Variants in WDR44 observed in about 807,000 individuals in gnomAD.
The protein encoded by WDR44 is WD repeat-containing protein 44.
Under a neutral mutation model 65.7 loss-of-function variants are expected in WDR44, and 9 were observed. That is an observed-to-expected ratio of 0.14 (90% CI 0.08 to 0.24). The LOEUF is 0.24. Among genes scored for constraint, WDR44 ranks in the 10% least tolerant of loss-of-function variants. WDR44 has a pLI of 1.00. For missense variants in WDR44, 425 were observed against 670.9 expected, an observed-to-expected ratio of 0.63 and a Z score of 4.05; for synonymous variants, 220 against 235.2, an observed-to-expected ratio of 0.94 and a Z score of 0.59.
chrX:118,426,750 G>A (rs1439461903), intron 12 of WDR44, among the ~76,000 whole-genome samples: 1 of 102,349 alleles, frequency 9.8e-6, no homozygotes, highest in Non-Finnish European at 2.0e-5. Flanking sequence ...CATTTTACTT[G>A]GTAATTCTAC....
chrX:118,429,599 A>AG (rs1220243992), intron 12 of WDR44, among the ~76,000 whole-genome samples: 2 of 110,915 alleles, frequency 1.8e-5, no homozygotes, highest in African/African-American at 6.6e-5. Flanking sequence ...AAAAAAAAAA[A>AG]AAAAGATAAG....
chrX:118,393,546 C>G (rs1366117997), intron 4 of WDR44, among the ~76,000 whole-genome samples: 1 of 108,084 alleles, frequency 9.3e-6, no homozygotes, highest in Admixed American at 1.0e-4. Context: ...GAGCCAAGGT[C>G]GCGCCATTGC....
chrX:118,378,576 C>T (rs1483189733), intron 2 of WDR44, 124 bp downstream of exon 2: 1 of 574,895 alleles, frequency 1.7e-6, no homozygotes, highest in East Asian at 3.4e-5. Flanking sequence ...GTAATGTAGT[C>T]ATTATGTCCT....
At chrX:118,443,106 G>T (rs1986444) in intron 17 of WDR44, among the ~76,000 whole-genome samples, 47,983 of 110,053 alleles carry the variant, frequency 0.44, 10,826 homozygotes, top group African/African-American at 0.86. Context: ...CACAGCACAG[G>T]GTCTTGTATT....
intron 2 of WDR44, among the ~76,000 whole-genome samples, 183 bp from the exon 3 acceptor site, chrX:118,387,157 G>T (rs189679723): frequency 1.0e-5 from 1 of 97,156 alleles, no homozygotes; most frequent in Admixed American, 1.2e-4. Context: ...ACTCCAGCCT[G>T]GGTGACAGAG....
intron 8 of WDR44, 64 bp downstream of exon 8, chrX:118,398,534 C>A (rs1181195160): frequency 7.5e-6 from 7 of 936,057 alleles, no homozygotes; most frequent in Non-Finnish European, 1.1e-5. Flanking sequence ...TGAGAACTAC[C>A]ATACTATTTT....
chrX:118,378,509 T>A, intron 2 of WDR44, 57 bp downstream of exon 2: 1 of 1,105,210 alleles, frequency 9.0e-7, no homozygotes, highest in Non-Finnish European at 1.2e-6. Context: ...TTTATTCGTG[T>A]TTTTGTGTAA....
chrX:118,377,296 G>A (rs1440607995), intron 1 of WDR44, among the ~76,000 whole-genome samples: 1 of 110,588 alleles, frequency 9.0e-6, no homozygotes, highest in Non-Finnish European at 1.9e-5. Flanking sequence ...GGAGGTCGAG[G>A]CTGCAGTGAG....
intron 11 of WDR44, among the ~76,000 whole-genome samples, chrX:118,410,033 G>A (rs1334536143): frequency 8.9e-6 from 1 of 111,851 alleles, no homozygotes; most frequent in South Asian, 3.7e-4. Flanking sequence ...TATATCAAGG[G>A]ATATATGAAA....
chrX:118,432,916 CATATAGTA>C (rs1434861206), intron 13 of WDR44, 22 bp downstream of exon 13: 8 of 1,140,194 alleles, frequency 7.0e-6, no homozygotes, highest in Non-Finnish European at 9.6e-6. Context: ...TTATTTGAAT[CATATAGTA>C]ATTCTGCGTA....
chrX:118,387,359 A>G lies in WDR44; in HGVS notation c.131A>G (p.Tyr44Cys), dbSNP rs777555221. The change falls in exon 3 of 20, where the codon TAC becomes TGC. Residue 44 changes from tyrosine (Y) to cysteine (C), a missense_variant. Physicochemically the swap from Tyr to Cys is radical, Grantham distance 194. This residue lies in a region of WDR44 where 193 missense variants were observed against 209.0 expected (regional missense o/e 0.92). Coordinates refer to ENST00000254029, the MANE Select transcript of WDR44 (RefSeq NM_019045.5). ...STFKETENTAYKVGNESPVQE... is the reference protein window; with the variant it reads ...STFKETENTACKVGNESPVQE... ...AAACAGGAAACAGAGAACACTGCAT[A>G]CAAAGTTGGAAATGAGTCCCCTGTA... is the stretch of plus-strand genomic sequence containing the variant. 18 of 1,197,513 alleles carry G rather than the reference A, an allele frequency of 1.5e-5. No individual in the cohort carries two copies. The Admixed American group carries it at 3.9e-4, about 26-fold the overall frequency.
At chrX:118,432,932 G>A (rs764771111) in intron 13 of WDR44, 38 bp downstream of exon 13, 65 of 1,108,578 alleles carry the variant, frequency 5.9e-5, no homozygotes, top group Middle Eastern at 2.5e-4. Context: ...GTAATTCTGC[G>A]TATAAGGAGC....
chrX:118,442,895 A>C (rs1442754023), intron 17 of WDR44, among the ~76,000 whole-genome samples: 1 of 111,909 alleles, frequency 8.9e-6, no homozygotes, highest in Non-Finnish European at 1.9e-5. Context: ...TCAGAAAATT[A>C]AGTGATTGGC....
intron 2 of WDR44, chrX:118,386,529 G>A: frequency 3.0e-6 from 1 of 333,349 alleles, no homozygotes; most frequent in South Asian, 3.0e-5. Flanking sequence ...TTCTGGTTAA[G>A]TCTTGATTTC....
intron 12 of WDR44, among the ~76,000 whole-genome samples, chrX:118,424,339 A>ATATATATGTATATATATATATATATG (rs1556124708): frequency 5.9e-5 from 5 of 85,309 alleles, no homozygotes; most frequent in Non-Finnish European, 8.1e-5. Flanking sequence ...ATATATATAT[A>ATATATATGTATATATATATATATATG]TATATATATG....
intron 2 of WDR44, chrX:118,386,446 G>GAT (rs1298186191): frequency 5.8e-6 from 2 of 346,554 alleles, no homozygotes. Flanking sequence ...TGTATACGTA[G>GAT]ATATATATGT....
intron 14 of WDR44, among the ~76,000 whole-genome samples, chrX:118,439,611 C>T (rs1190101064): frequency 5.4e-5 from 6 of 110,840 alleles, no homozygotes; most frequent in Non-Finnish European, 1.1e-4. Context: ...GATACACATA[C>T]ATAGATGTAT....
intron 12 of WDR44, among the ~76,000 whole-genome samples, chrX:118,420,788 A>G (rs915718925): frequency 8.0e-5 from 9 of 112,110 alleles, no homozygotes; most frequent in Admixed American, 5.7e-4. Context: ...TTCAGCTCAA[A>G]TATCTTATTA....
chrX:118,449,682 C>T lies in WDR44; in HGVS notation c.*695C>T, dbSNP rs1208751842. 5.4e-5 allele frequency: 6 copies of T among 110,143 alleles called. No homozygotes were observed. The highest frequency in any genetic ancestry group is 1.7e-4 in the African/African-American group (5 of 30,269). The allele number at this position is 110,143 out of a possible 1,213,427, so 9.1% of individuals were successfully genotyped here. On this transcript the variant is annotated 3_prime_UTR_variant, in exon 20 of 20. Transcript: ENST00000254029. ...TTATCCATGAGCACCAGGCTTTGCTCACTTAAAAAAAAATTAAGCCACATT... is the reference window on the plus strand; with the variant it reads ...TTATCCATGAGCACCAGGCTTTGCTTACTTAAAAAAAAATTAAGCCACATT...
Sources: allele counts gnomAD v4.1 joint callset (sites outside exome capture counted in the v4.1 genomes callset), GRCh38; gene constraint gnomAD v4.1.1; regional missense constraint gnomAD v4.1.1; transcripts MANE v1.5; gene names NCBI Gene and HGNC (gene_info 2026-07-23, HGNC 2026-07-21).